The following FHIT variants were observed in gnomAD, a reference collection of about 807,000 sequenced individuals.
FHIT encodes bis(5'-adenosyl)-triphosphatase.
In FHIT, 19 loss-of-function variants were observed where a neutral mutation model predicts 17.9. The observed-to-expected ratio is 1.06, with a 90% CI of 0.74 to 1.56. FHIT has a LOEUF of 1.56. FHIT is among the 40% of genes most tolerant of loss of function. The pLI, the probability that FHIT is intolerant of heterozygous loss-of-function variation, is 0.00. For synonymous variants in FHIT, 81 were observed against 69.7 expected, an observed-to-expected ratio of 1.16 and a Z score of -0.81; for missense variants, 248 against 189.2, an observed-to-expected ratio of 1.31 and a Z score of -1.82.
At chr3:59,926,052 C>G (rs1057392649) in intron 7 of FHIT, among the ~76,000 whole-genome samples, 1 of 152,188 alleles carries the variant, frequency 6.6e-6, no homozygotes, top group African/African-American at 2.4e-5. Context: ...CACAAATTTG[C>G]TAGGGGTTGC....
intron 4 of FHIT, among the ~76,000 whole-genome samples, chr3:60,628,478 T>C (rs569218841): frequency 1.3e-5 from 2 of 152,324 alleles, no homozygotes; most frequent in African/African-American, 4.8e-5. Flanking sequence ...GCTGTTATGC[T>C]TCACTAATTA....
At chr3:61,127,369 T>A (rs571763011) in intron 2 of FHIT, among the ~76,000 whole-genome samples, 1 of 152,242 alleles carries the variant, frequency 6.6e-6, no homozygotes, top group East Asian at 1.9e-4. Flanking sequence ...GAATTTTATA[T>A]AAAAGATCGA....
At chr3:59,881,452 A>G (rs1015523051) in intron 8 of FHIT, among the ~76,000 whole-genome samples, 1 of 152,322 alleles carries the variant, frequency 6.6e-6, no homozygotes, top group Non-Finnish European at 1.5e-5. Context: ...GGGCTTCACT[A>G]TTCCTATAAG....
intron 8 of FHIT, among the ~76,000 whole-genome samples, chr3:59,828,843 C>CTGTGTGTGTGTG (rs10637442): frequency 0.02 from 2,993 of 146,818 alleles, 116 homozygotes; most frequent in African/African-American, 0.071. Context: ...CAATGGTACT[C>CTGTGTGTGTGTG]TCTCTGTGTG....
chr3:60,456,937 A>G (rs1472055970), intron 5 of FHIT, among the ~76,000 whole-genome samples: 2 of 152,210 alleles, frequency 1.3e-5, no homozygotes, highest in Non-Finnish European at 2.9e-5. Context: ...AAGAGGATAC[A>G]AACAAATGGA....
chr3:60,733,516 T>A (rs149344286), intron 4 of FHIT, among the ~76,000 whole-genome samples: 1 of 152,318 alleles, frequency 6.6e-6, no homozygotes, highest in East Asian at 1.9e-4. Flanking sequence ...CCTTGGTCAG[T>A]AGCTTTCAGT....
intron 5 of FHIT, among the ~76,000 whole-genome samples, chr3:60,427,233 C>T (rs546759647): frequency 2.0e-5 from 3 of 152,204 alleles, no homozygotes; most frequent in African/African-American, 7.2e-5. Flanking sequence ...GACCTGAGAG[C>T]AGCTTCTAGG....
chr3:60,935,401 A>T (rs1191892228), intron 3 of FHIT, among the ~76,000 whole-genome samples: 2 of 152,256 alleles, frequency 1.3e-5, no homozygotes, highest in Non-Finnish European at 2.9e-5. Flanking sequence ...TACAAAAATC[A>T]CACAAATAAA....
At chr3:60,557,265 C>A (rs944885784) in intron 4 of FHIT, among the ~76,000 whole-genome samples, 6 of 152,302 alleles carry the variant, frequency 3.9e-5, no homozygotes, top group African/African-American at 1.4e-4. Flanking sequence ...GTATGTGACA[C>A]TGGTCTCCTC....
chr3:61,175,020 A>T (rs1576152523), intron 2 of FHIT, among the ~76,000 whole-genome samples: 1 of 151,772 alleles, frequency 6.6e-6, no homozygotes, highest in Non-Finnish European at 1.5e-5. Flanking sequence ...TGAAGAGAAG[A>T]CCTGGATCCT....
At chr3:60,415,528 T>C (rs534676481) in intron 5 of FHIT, among the ~76,000 whole-genome samples, 2 of 152,316 alleles carry the variant, frequency 1.3e-5, no homozygotes, top group South Asian at 4.1e-4. Flanking sequence ...AAACAGAGTG[T>C]AATCATATCT....
chr3:60,541,316 A>G (rs764771092), intron 4 of FHIT, among the ~76,000 whole-genome samples: 60 of 152,074 alleles, frequency 3.9e-4, no homozygotes, highest in Non-Finnish European at 7.8e-4. Flanking sequence ...GCTATTTTTC[A>G]TTTTTTCTTG....
chr3:60,273,600 C>T (rs1423102637), intron 5 of FHIT, among the ~76,000 whole-genome samples: 1 of 151,984 alleles, frequency 6.6e-6, no homozygotes, highest in Admixed American at 6.6e-5. Context: ...CAGTGCAAGA[C>T]TCCGTCGTCT....
chr3:60,551,434 A>G (rs1218731665), intron 4 of FHIT, among the ~76,000 whole-genome samples: 3 of 100,972 alleles, frequency 3.0e-5, no homozygotes, highest in Non-Finnish European at 6.0e-5. Context: ...CAGCCTGGGA[A>G]ATATAGTGAG....
At chr3:60,108,851 C>A (rs139346981) in intron 5 of FHIT, among the ~76,000 whole-genome samples, 2,235 of 152,034 alleles carry the variant, frequency 0.015, 42 homozygotes, top group African/African-American at 0.051. Flanking sequence ...GTAGTAGAGA[C>A]GGGGTTTCTC....
At chr3:60,789,405 C>T (rs1553727942) in intron 4 of FHIT, among the ~76,000 whole-genome samples, 1 of 152,126 alleles carries the variant, frequency 6.6e-6, no homozygotes, top group Non-Finnish European at 1.5e-5. Flanking sequence ...GTACTCCCAG[C>T]TACTCAGGAG....
chr3:60,526,985 G>T (rs952986673), intron 5 of FHIT, among the ~76,000 whole-genome samples: 19 of 152,190 alleles, frequency 1.2e-4, no homozygotes, highest in African/African-American at 4.3e-4. Context: ...CGGTTTGGGG[G>T]CGTGGAGGTA....
At chr3:59,750,888 C>G (rs1481711032) in intron 9 of FHIT, 1 of 200,032 alleles carries the variant, frequency 5.0e-6, no homozygotes, top group Non-Finnish European at 1.0e-5. Flanking sequence ...ACAATTTTTT[C>G]CAATCAATTG....
chr3:60,363,907 C>T (rs1454087659), intron 5 of FHIT, among the ~76,000 whole-genome samples: 2 of 152,190 alleles, frequency 1.3e-5, no homozygotes. Flanking sequence ...TCACCATCCT[C>T]TAAAGGCAGG....
Sources: gnomAD v4.1 joint callset for allele counts (sites outside exome capture counted in the v4.1 genomes callset) on GRCh38, gnomAD v4.1.1 for gene constraint, MANE v1.5 for transcripts, NCBI Gene and HGNC (gene_info 2026-07-23, HGNC 2026-07-21) for gene names.